The following KCTD8 variants were observed in gnomAD, a reference collection of about 807,000 sequenced individuals.
KCTD8 encodes potassium channel tetramerization domain containing 8, also known as BTB/POZ domain-containing protein KCTD8.
KCTD8 carries 27 observed loss-of-function variants against 31.5 expected under a neutral mutation model. That is an observed-to-expected ratio of 0.86 (90% confidence interval 0.63 to 1.18). The LOEUF is 1.18. KCTD8 is among the 50% of genes most tolerant of loss of function. KCTD8 has a pLI of 0.00. For synonymous variants in KCTD8, 290 were observed against 280.0 expected (o/e 1.04, Z -0.36); for missense variants, 658 against 647.7 (o/e 1.02, Z -0.17).
intron 1 of KCTD8, among the ~76,000 whole-genome samples, chr4:44,274,939 A>C (rs1716712548): frequency 6.6e-6 from 1 of 151,962 alleles, no homozygotes; most frequent in African/African-American, 2.4e-5. Flanking sequence ...ATTCATGCTG[A>C]TTAAAATGTT....
intron 1 of KCTD8, among the ~76,000 whole-genome samples, chr4:44,315,880 C>G (rs2109402472): frequency 6.6e-6 from 1 of 152,062 alleles, no homozygotes; most frequent in African/African-American, 2.4e-5. Flanking sequence ...TTATTTCTTT[C>G]TAAATAGTTT....
intron 1 of KCTD8, among the ~76,000 whole-genome samples, chr4:44,289,746 C>T (rs557165400): frequency 6.6e-6 from 1 of 152,212 alleles, no homozygotes; most frequent in South Asian, 2.1e-4. Flanking sequence ...GAGCTCCAGC[C>T]TGCATGGAGC....
At chr4:44,221,256 A>T (rs1714797910) in intron 1 of KCTD8, among the ~76,000 whole-genome samples, 1 of 152,040 alleles carries the variant, frequency 6.6e-6, no homozygotes. Flanking sequence ...ACATTGCAGG[A>T]GGAATGATGG....
chr4:44,335,840 A>G (rs1277872496), intron 1 of KCTD8, among the ~76,000 whole-genome samples: 3 of 152,118 alleles, frequency 2.0e-5, no homozygotes, highest in Non-Finnish European at 2.9e-5. Context: ...CCTTTTGGGA[A>G]CCCCAACCCA....
chr4:44,289,356 G>A (rs1321800720), intron 1 of KCTD8, among the ~76,000 whole-genome samples: 2 of 151,924 alleles, frequency 1.3e-5, no homozygotes, highest in Non-Finnish European at 2.9e-5. Context: ...ATATAAAGTG[G>A]TATAAATACA....
intron 1 of KCTD8, among the ~76,000 whole-genome samples, chr4:44,245,712 T>C (rs1037653227): frequency 5.3e-5 from 8 of 151,948 alleles, no homozygotes; most frequent in African/African-American, 1.9e-4. Context: ...ATGCCAGCAG[T>C]AAATTTAACA....
intron 1 of KCTD8, among the ~76,000 whole-genome samples, chr4:44,387,720 G>T (rs1454340151): frequency 6.6e-6 from 1 of 152,000 alleles, no homozygotes; most frequent in Admixed American, 6.6e-5. Context: ...ATTAACTCAA[G>T]ATGGATCAAA....
chr4:44,342,133 A>C (rs1718917648), intron 1 of KCTD8, among the ~76,000 whole-genome samples: 1 of 152,180 alleles, frequency 6.6e-6, no homozygotes, highest in African/African-American at 2.4e-5. Context: ...GCATTTTGGG[A>C]GGCCAAGGCA....
chr4:44,240,191 C>T (rs879942786), intron 1 of KCTD8, among the ~76,000 whole-genome samples: 3 of 152,198 alleles, frequency 2.0e-5, no homozygotes, highest in Admixed American at 6.5e-5. Flanking sequence ...ACAACTATTG[C>T]CTTTTTGGCA....
chr4:44,405,213 A>T (rs1325215678), intron 1 of KCTD8, among the ~76,000 whole-genome samples: 1 of 151,648 alleles, frequency 6.6e-6, no homozygotes, highest in Non-Finnish European at 1.5e-5. Flanking sequence ...GCTCTTATTA[A>T]GGGACAAAGC....
intron 1 of KCTD8, among the ~76,000 whole-genome samples, chr4:44,266,817 A>C (rs1246037318): frequency 2.0e-5 from 3 of 152,180 alleles, no homozygotes; most frequent in African/African-American, 7.2e-5. Context: ...ATAATGGTAA[A>C]GGGATCAATT....
chr4:44,287,536 C>T (rs1320993235), intron 1 of KCTD8, among the ~76,000 whole-genome samples: 1 of 152,138 alleles, frequency 6.6e-6, no homozygotes, highest in African/African-American at 2.4e-5. Context: ...AGGACTCTAG[C>T]ACCAAACTCA....
At chr4:44,406,055 C>T (rs1161335735) in intron 1 of KCTD8, among the ~76,000 whole-genome samples, 2 of 152,058 alleles carry the variant, frequency 1.3e-5, no homozygotes, top group South Asian at 2.1e-4. Flanking sequence ...ATGTCCCTTT[C>T]AGATTGGGAC....
chr4:44,433,494 C>T (rs977292257), intron 1 of KCTD8, among the ~76,000 whole-genome samples: 3 of 151,680 alleles, frequency 2.0e-5, no homozygotes, highest in Admixed American at 1.3e-4. Context: ...GAGCTCTTCA[C>T]AGATGGGAGT....
chr4:44,332,344 C>T (rs992087186), intron 1 of KCTD8, among the ~76,000 whole-genome samples: 59 of 151,934 alleles, frequency 3.9e-4, no homozygotes, highest in African/African-American at 1.4e-3. Flanking sequence ...TGGTCCAGGA[C>T]CTTCAGCCTT....
chr4:44,339,961 T>C (rs1286694665), intron 1 of KCTD8, among the ~76,000 whole-genome samples: 1 of 151,970 alleles, frequency 6.6e-6, no homozygotes, highest in East Asian at 1.9e-4. Flanking sequence ...TCAATAAAAA[T>C]TGGAAATCAA....
rs571979659 is a variant in KCTD8, at chr4:44,372,261, A to G, written c.961+75302T>C. ...GGTAAATTAGGTAGATGCACCAGTGAACAGTGTGTCACTCACTCTATCAGA... is the reference window on the plus strand; with the variant it reads ...GGTAAATTAGGTAGATGCACCAGTGGACAGTGTGTCACTCACTCTATCAGA... On this transcript the variant is annotated intron_variant, in intron 1 of 1. Transcript: ENST00000360029. 3.0e-4 allele frequency among the ~76,000 whole-genome samples: 45 copies of G among 152,160 alleles called. 1 individual carries two copies. Among genetic ancestry groups the G allele is most frequent in the Admixed American group, 2.4e-3 (36 of 15,282 alleles).
chr4:44,396,454 G>GTTTTT (rs112458092), intron 1 of KCTD8, among the ~76,000 whole-genome samples: 1 of 149,340 alleles, frequency 6.7e-6, no homozygotes, highest in Middle Eastern at 3.2e-3. Flanking sequence ...AAGGAAAGTT[G>GTTTTT]TTTTTTTTTT....
intron 1 of KCTD8, among the ~76,000 whole-genome samples, chr4:44,388,556 G>A (rs112459304): frequency 0.081 from 12,267 of 151,830 alleles, 711 homozygotes; most frequent in East Asian, 0.2. Flanking sequence ...CCTTTGCAGG[G>A]ATATGGATGG....
Sources: allele counts gnomAD v4.1 joint callset (sites outside exome capture counted in the v4.1 genomes callset), GRCh38; gene constraint gnomAD v4.1.1; transcripts MANE v1.5; gene names NCBI Gene and HGNC (gene_info 2026-07-23, HGNC 2026-07-21).